NTS: variants seen among roughly 807,000 people sequenced by gnomAD.
NTS encodes the protein neurotensin.
Under a neutral mutation model 19.5 loss-of-function variants are expected in NTS, and 20 were observed. The observed-to-expected ratio is 1.02, with a 90% CI of 0.72 to 1.49. The LOEUF (loss-of-function observed/expected upper bound fraction) is 1.49. Among genes scored for constraint, NTS ranks in the 40% most tolerant of loss-of-function variants. The pLI is 0.00. For missense variants in NTS, 215 were observed against 193.1 expected, an observed-to-expected ratio of 1.11 and a Z score of -0.67; for synonymous variants, 71 against 63.3, an observed-to-expected ratio of 1.12 and a Z score of -0.58.
intron 3 of NTS, 50 bp downstream of exon 3, chr12:85,878,619 C>G: frequency 9.5e-7 from 1 of 1,049,006 alleles, no homozygotes; most frequent in South Asian, 2.1e-5. Context: ...CTAGTTAGCT[C>G]TCATTTATAT....
intron 1 of NTS, among the ~76,000 whole-genome samples, chr12:85,876,123 C>T (rs746765168): frequency 7.9e-5 from 12 of 151,776 alleles, no homozygotes; most frequent in Non-Finnish European, 1.8e-4. Context: ...ATTCTTTCAA[C>T]GTGTGTTTTG....
chr12:85,882,162 A>C, intron 3 of NTS, 61 bp from the exon 4 acceptor site: 2 of 1,309,628 alleles, frequency 1.5e-6, no homozygotes, highest in South Asian at 2.6e-5. Context: ...ATGTAGAAAA[A>C]TGCTCTGAAA....
intron 2 of NTS, among the ~76,000 whole-genome samples, chr12:85,877,279 C>A (rs1881367888): frequency 6.6e-6 from 1 of 151,974 alleles, no homozygotes; most frequent in Non-Finnish European, 1.5e-5. Flanking sequence ...GCAGGGATTG[C>A]AGTTCGTAAT....
intron 1 of NTS, among the ~76,000 whole-genome samples, chr12:85,874,710 C>A (rs1235907168): frequency 1.3e-5 from 2 of 152,078 alleles, no homozygotes; most frequent in African/African-American, 4.8e-5. Context: ...AAACACTGCA[C>A]GACCTCCTTT....
chr12:85,876,797 G>A, intron 2 of NTS, 96 bp downstream of exon 2: 4 of 627,006 alleles, frequency 6.4e-6, no homozygotes, highest in Non-Finnish European at 1.0e-5. Context: ...TTCTCATCAA[G>A]ATTGAAAAGT....
rs1881517847 is a variant in NTS, at chr12:85,882,239, T to G, written c.377T>G (p.Ile126Ser). Residue 126 changes from isoleucine (I) to serine (S), a missense_variant, in exon 4 of 4, where the codon ATT becomes AGT. Transcript: ENST00000256010. The stretch of plus-strand genomic sequence containing the variant: ...ATCTTGCAGTTAATCCAGGAAGATA[T>G]TCTTGATACTGGAAATGACAAAAAT... ...FQHWELIQED[I>S]LDTGNDKNGK... is the part of the protein sequence containing the mutation. 2.5e-6 allele frequency: 4 copies of G among 1,597,872 alleles called. No homozygotes were observed. The highest frequency in any genetic ancestry group is 2.6e-6 in the Non-Finnish European group (3 of 1,173,132).
intron 3 of NTS, among the ~76,000 whole-genome samples, chr12:85,879,566 A>G (rs1273681503): frequency 6.5e-5 from 6 of 92,340 alleles, no homozygotes; most frequent in Non-Finnish European, 4.0e-5. Context: ...ATGTATATAA[A>G]ATATATTTTT....
At chr12:85,877,858 A>G (rs1881380441) in intron 2 of NTS, among the ~76,000 whole-genome samples, 1 of 152,186 alleles carries the variant, frequency 6.6e-6, no homozygotes, top group African/African-American at 2.4e-5. Flanking sequence ...AAGTTAATAC[A>G]TGAAGGTTCT....
intron 3 of NTS, 33 bp downstream of exon 3, chr12:85,878,602 A>G (rs757119499): frequency 4.1e-6 from 5 of 1,221,466 alleles, no homozygotes; most frequent in Non-Finnish European, 5.8e-6. Flanking sequence ...ATATGATTAT[A>G]GTTACACTAG....
At chr12:85,880,380 T>A (rs1592551048) in intron 3 of NTS, among the ~76,000 whole-genome samples, 1 of 152,082 alleles carries the variant, frequency 6.6e-6, no homozygotes, top group East Asian at 1.9e-4. Flanking sequence ...AGGGAAACAT[T>A]TCTTTCAAAT....
intron 2 of NTS, among the ~76,000 whole-genome samples, 199 bp downstream of exon 2, chr12:85,876,900 C>T (rs1473236102): frequency 6.6e-6 from 1 of 151,834 alleles, no homozygotes; most frequent in Admixed American, 6.6e-5. Flanking sequence ...AATTATAATT[C>T]TATCAATCAG....
chr12:85,875,024 A>G (rs1881308250), intron 1 of NTS, among the ~76,000 whole-genome samples: 1 of 152,216 alleles, frequency 6.6e-6, no homozygotes, highest in South Asian at 2.1e-4. Flanking sequence ...ATACAAAAAT[A>G]TTCCAGATCC....
At position 85,874,496 on chromosome 12, in the gene NTS, A is replaced by C; in HGVS notation, c.73+20A>C. ...GCTCAGGTAAGCAAAACAGAATTTC[A>C]CAACTCCCTGAAGTGATTTCTTTTT... On this transcript the variant is annotated intron_variant, in intron 1 of 3. Coordinates refer to ENST00000256010, the MANE Select transcript of NTS (RefSeq NM_006183.5). 21 of 1,555,228 alleles carry C rather than the reference A, an allele frequency of 1.4e-5. No homozygotes were observed. The highest frequency in any genetic ancestry group is 2.7e-5 in the African/African-American group (2 of 73,900).
At chr12:85,875,783 G>C (rs1881327666) in intron 1 of NTS, among the ~76,000 whole-genome samples, 1 of 151,940 alleles carries the variant, frequency 6.6e-6, no homozygotes, top group African/African-American at 2.4e-5. Flanking sequence ...AGTGAGAAAA[G>C]ATCTCTTGTA....
At chr12:85,876,981 C>T (rs1881360402) in intron 2 of NTS, among the ~76,000 whole-genome samples, 1 of 152,068 alleles carries the variant, frequency 6.6e-6, no homozygotes, top group Non-Finnish European at 1.5e-5. Flanking sequence ...AACTTGCTTC[C>T]ATGCCTTTTA....
intron 2 of NTS, 175 bp from the exon 3 acceptor site, chr12:85,878,170 T>G: frequency 1.6e-4 from 79 of 500,826 alleles, no homozygotes; most frequent in Middle Eastern, 5.2e-4. Flanking sequence ...ACAGAAGTTA[T>G]GAGATATTGG....
intron 3 of NTS, among the ~76,000 whole-genome samples, chr12:85,880,361 T>A (rs945992439): frequency 6.6e-6 from 1 of 152,182 alleles, no homozygotes; most frequent in East Asian, 1.9e-4. Flanking sequence ...TTTTTAAAAA[T>A]TTTCGACAAG....
In NTS at chr12:85,882,873, A is replaced by C. The variant is rs1194402395; in HGVS notation, c.*498A>C. The C allele has an allele frequency of 6.6e-6, 1 of 150,424 alleles. No individual in the cohort carries two copies. The highest frequency in any genetic ancestry group is 1.5e-5 in the Non-Finnish European group (1 of 66,884). The allele number at this position is 150,424 out of a possible 1,614,324, so 9.3% of individuals were successfully genotyped here. On this transcript the variant is annotated 3_prime_UTR_variant, in exon 4 of 4. Transcript: ENST00000256010. ...TATTGTGATAAAATAGGAACAGCTG[A>C]AAGATTGATTAATGAACTATTGTTA...
rs141571076 is a variant in NTS at position 85,878,520 on chromosome 12, T to C, written c.311T>C (p.Ile104Thr). The change falls in exon 3 of 4, where the codon ATA becomes ACA. Residue 104 changes from isoleucine (I) to threonine (T), a missense_variant. Ile to Thr is a moderately conservative substitution (Grantham distance 89). Transcript: ENST00000256010. Reference protein sequence around the residue: ...DGFSLEAMLTIYQLHKICHSR... With the variant: ...DGFSLEAMLTTYQLHKICHSR... ...TTTAGCTTGGAAGCAATGTTGACAA[T>C]ATACCAGCTCCACAAAATCTGTCAC... 4.6e-5 allele frequency: 75 copies of C among 1,613,526 alleles called. No individual in the cohort carries two copies. The highest frequency in any genetic ancestry group is 5.9e-5 in the Non-Finnish European group (70 of 1,179,776).
Sources: gnomAD v4.1 joint callset for allele counts (sites outside exome capture counted in the v4.1 genomes callset) on GRCh38, gnomAD v4.1.1 for gene constraint, MANE v1.5 for transcripts, NCBI Gene and HGNC (gene_info 2026-07-23, HGNC 2026-07-21) for gene names.